Variants in CLNS1A observed in about 807,000 individuals in gnomAD.
CLNS1A encodes the protein chloride nucleotide-sensitive channel 1A, also known as methylosome subunit pICln.
CLNS1A carries 16 observed loss-of-function variants against 29.4 expected under a neutral mutation model. The ratio of observed to expected loss-of-function variants is 0.54; its 90% CI spans 0.37 to 0.83. The LOEUF (loss-of-function observed/expected upper bound fraction) is 0.83, where lower values mean the gene tolerates loss of function less well. Among genes scored for constraint, CLNS1A ranks in the 40% least tolerant of loss-of-function variants. The pLI, the probability that CLNS1A is intolerant of heterozygous loss-of-function variation, is 0.00. For synonymous variants in CLNS1A, 96 were observed against 104.8 expected (o/e 0.92, Z 0.51); for missense variants, 235 against 287.4 (o/e 0.82, Z 1.32).
chr11:77,633,503 C>T (rs1464169912), intron 1 of CLNS1A, among the ~76,000 whole-genome samples: 4 of 152,078 alleles, frequency 2.6e-5, no homozygotes, highest in East Asian at 1.9e-4. Context: ...AAGGGAAAGA[C>T]AAGAAGAATT....
intron 5 of CLNS1A, chr11:77,621,979 C>T (rs1378279832): frequency 4.4e-6 from 2 of 456,100 alleles, no homozygotes; most frequent in Non-Finnish European, 8.8e-6. Flanking sequence ...TTTGGACTTG[C>T]CAGCCTTCAG....
intron 2 of CLNS1A, among the ~76,000 whole-genome samples, chr11:77,627,933 C>A (rs1959037215): frequency 6.6e-6 from 1 of 152,144 alleles, no homozygotes; most frequent in Admixed American, 6.5e-5. Context: ...TCAAGTGATT[C>A]TCATGTCTCA....
chr11:77,631,530 G>A (rs1299225287), intron 1 of CLNS1A, among the ~76,000 whole-genome samples: 3 of 151,634 alleles, frequency 2.0e-5, no homozygotes, highest in East Asian at 3.9e-4. Context: ...TGTTAGCCAG[G>A]ATGGTCTGGA....
intron 5 of CLNS1A, 65 bp downstream of exon 5, chr11:77,622,435 T>C (rs1456049702): frequency 3.3e-6 from 4 of 1,215,810 alleles, no homozygotes; most frequent in African/African-American, 3.0e-5. Context: ...AGAACTTCTA[T>C]TGACTATCCA....
rs192015213 is a variant in CLNS1A, at chr11:77,626,183, C to T, written c.263-365G>A. Among the ~76,000 whole-genome samples the T allele has an allele frequency of 2.6e-5, 4 of 152,274 alleles. 1 individual carries two copies. The East Asian group carries it at 7.7e-4, about 29-fold the overall frequency. ...GACTGGACACCCTTGCCCTCTCAGG[C>T]CCAAGCGATCCTCCCACCTCAGCCT... On this transcript the variant is annotated intron_variant, in intron 2 of 6. Transcript: ENST00000525428.
intron 2 of CLNS1A, among the ~76,000 whole-genome samples, chr11:77,626,613 T>C (rs1959022292): frequency 6.6e-6 from 1 of 150,676 alleles, no homozygotes; most frequent in Admixed American, 6.6e-5. Context: ...CACTCCAGCC[T>C]AGGTGACAGG....
intron 5 of CLNS1A, chr11:77,622,187 AC>A (rs1358357639): frequency 2.4e-6 from 1 of 409,098 alleles, no homozygotes; most frequent in Non-Finnish European, 4.8e-6. Flanking sequence ...GCAAACTAAT[AC>A]ACAGATGCAA....
In CLNS1A at chr11:77,614,709, C is replaced by G. The variant is rs1565122187; in HGVS notation, c.*2009G>C. On this transcript the variant is annotated 3_prime_UTR_variant, in exon 7 of 7. Transcript: ENST00000525428. Reference sequence around the variant, plus strand: ...AACCTAGAACAGAGAACCATTAACCCTAGCTTTTAGGAACATTTAGATGAC... The same window carrying G: ...AACCTAGAACAGAGAACCATTAACCGTAGCTTTTAGGAACATTTAGATGAC... 6.6e-6 allele frequency: 1 copy of G among 152,158 alleles called. No homozygotes were observed. Among genetic ancestry groups the G allele is most frequent in the Non-Finnish European group, 1.5e-5 (1 of 68,022 alleles). 9.4% of individuals were successfully genotyped at this position (152,158 alleles called of 1,614,324 possible).
Position 77,625,071 on chromosome 11 carries a change from C to G in CLNS1A, c.365-1G>C, listed in dbSNP as rs371312037. On this transcript the variant is annotated splice_acceptor_variant, in intron 3 of 6. Coordinates refer to ENST00000525428, the MANE Select transcript of CLNS1A (RefSeq NM_001293.3). LOFTEE classifies it high-confidence loss of function. ...CACATTGCAGTGAACATTGCCTCCACTGAACAAGGAAATTAAACTGTAACC... is the reference window on the plus strand; with the variant it reads ...CACATTGCAGTGAACATTGCCTCCAGTGAACAAGGAAATTAAACTGTAACC... The G allele has an allele frequency of 1.9e-6, 3 of 1,602,412 alleles. No homozygotes were observed. Among genetic ancestry groups the G allele is most frequent in the Non-Finnish European group, 1.7e-6 (2 of 1,172,772 alleles).
At chr11:77,620,435 T>C (rs1055650337) in intron 5 of CLNS1A, among the ~76,000 whole-genome samples, 2 of 152,228 alleles carry the variant, frequency 1.3e-5, no homozygotes, top group African/African-American at 4.8e-5. Flanking sequence ...CCTCTTTCTT[T>C]TGCTAATTGC....
chr11:77,632,048 A>C (rs1040005971), intron 1 of CLNS1A, among the ~76,000 whole-genome samples: 1 of 152,188 alleles, frequency 6.6e-6, no homozygotes, highest in African/African-American at 2.4e-5. Context: ...AAAAGTGATA[A>C]ATCTTAAAGA....
At chr11:77,631,274 G>A (rs1959070733) in intron 1 of CLNS1A, among the ~76,000 whole-genome samples, 1 of 151,786 alleles carries the variant, frequency 6.6e-6, no homozygotes, top group African/African-American at 2.4e-5. Flanking sequence ...TTAGATTGTG[G>A]TGATAACTGT....
chr11:77,625,943 T>C (rs955502880), intron 2 of CLNS1A, 125 bp from the exon 3 acceptor site: 16 of 902,398 alleles, frequency 1.8e-5, no homozygotes, highest in Non-Finnish European at 2.3e-5. Context: ...TTTCCAATTA[T>C]GGTTGAAAAA....
chr11:77,622,169 T>C (rs1958964632), intron 5 of CLNS1A: 6 of 431,560 alleles, frequency 1.4e-5, no homozygotes, highest in Admixed American at 1.1e-4. Context: ...TTTGTTATAA[T>C]AGCCCTAGCA....
chr11:77,617,693 G>A (rs185117402), intron 6 of CLNS1A, among the ~76,000 whole-genome samples: 2 of 152,104 alleles, frequency 1.3e-5, no homozygotes, highest in East Asian at 3.9e-4. Flanking sequence ...GCCGAGGCAG[G>A]CGGATCACGA....
chr11:77,629,231 A>C (rs1258588939), intron 2 of CLNS1A, among the ~76,000 whole-genome samples: 2 of 152,172 alleles, frequency 1.3e-5, no homozygotes, highest in African/African-American at 4.8e-5. Context: ...ATAAATGAAG[A>C]ATTCTAAGTG....
At chr11:77,631,759 A>G (rs1275135461) in intron 1 of CLNS1A, among the ~76,000 whole-genome samples, 2 of 151,166 alleles carry the variant, frequency 1.3e-5, no homozygotes, top group African/African-American at 4.9e-5. Flanking sequence ...TTTTTTTGAG[A>G]TGAAGTCTCA....
intron 1 of CLNS1A, among the ~76,000 whole-genome samples, chr11:77,633,312 A>C (rs943804111): frequency 6.6e-6 from 1 of 152,204 alleles, no homozygotes; most frequent in African/African-American, 2.4e-5. Context: ...AAAGTATTCA[A>C]GTTCTAACTT....
At chr11:77,620,321 G>A (rs1265997615) in intron 5 of CLNS1A, among the ~76,000 whole-genome samples, 1 of 152,110 alleles carries the variant, frequency 6.6e-6, no homozygotes, top group Non-Finnish European at 1.5e-5. Flanking sequence ...TCCTGCAAAA[G>A]CTCTTTTTGC....
Sources: gnomAD v4.1 joint callset for allele counts (sites outside exome capture counted in the v4.1 genomes callset) on GRCh38, gnomAD v4.1.1 for gene constraint, MANE v1.5 for transcripts, NCBI Gene and HGNC (gene_info 2026-07-23, HGNC 2026-07-21) for gene names.